Variants in TP73 observed in about 807,000 individuals in gnomAD.
The protein encoded by TP73 is tumor protein p73.
Under a neutral mutation model 62.5 loss-of-function variants are expected in TP73, and 25 were observed. The ratio of observed to expected loss-of-function variants is 0.40; its 90% CI spans 0.29 to 0.56. The LOEUF is 0.56. Among genes scored for constraint, TP73 ranks in the 20% least tolerant of loss-of-function variants. TP73 has a pLI of 0.46. For missense variants in TP73, 754 were observed against 913.3 expected (o/e 0.83, Z 2.25); for synonymous variants, 423 against 377.5 (o/e 1.12, Z -1.40).
intron 3 of TP73, among the ~76,000 whole-genome samples, chr1:3,694,214 C>T (rs75655263): frequency 3.3e-4 from 2 of 6,042 alleles, no homozygotes; most frequent in Admixed American, 1.4e-3. Flanking sequence ...CCCCTCCTCC[C>T]GCAATCCCAG....
intron 1 of TP73, among the ~76,000 whole-genome samples, chr1:3,655,107 C>T (rs558596074): frequency 1.6e-4 from 25 of 152,240 alleles, no homozygotes; most frequent in Non-Finnish European, 3.2e-4. Flanking sequence ...TCCTTTAAGG[C>T]CAGGCGCCGT....
intron 6 of TP73, among the ~76,000 whole-genome samples, chr1:3,724,943 C>T (rs1259087367): frequency 2.6e-5 from 4 of 151,910 alleles, no homozygotes; most frequent in East Asian, 3.9e-4. Context: ...CGCTTGAACC[C>T]GGGAGGCAGA....
intron 3 of TP73, among the ~76,000 whole-genome samples, chr1:3,697,271 G>A (rs1369478734): frequency 6.6e-6 from 1 of 152,240 alleles, no homozygotes; most frequent in Non-Finnish European, 1.5e-5. Context: ...ACCGGAGCCA[G>A]AGGGAGCGCT....
intron 3 of TP73, among the ~76,000 whole-genome samples, chr1:3,693,367 C>T (rs972730508): frequency 3.9e-5 from 6 of 152,154 alleles, no homozygotes; most frequent in African/African-American, 9.7e-5. Context: ...GTAGCTGCTC[C>T]GGAGCCCGCT....
At chr1:3,703,071 G>A (rs1290237462) in intron 3 of TP73, among the ~76,000 whole-genome samples, 1 of 152,142 alleles carries the variant, frequency 6.6e-6, no homozygotes, top group African/African-American at 2.4e-5. Flanking sequence ...TGCCTGGGGA[G>A]GCCTAAGGGG....
rs1047387422 is a variant in TP73 at position 3,660,057 on chromosome 1, A to G, written c.-34+7416A>G. On this transcript the variant is annotated intron_variant, in intron 1 of 13. Coordinates refer to ENST00000378295, the MANE Select transcript of TP73 (RefSeq NM_005427.4). ...GATTATTTGCACAAGTGCAGCAAGA[A>G]TAGTAAGTGGCCAGCTAGGCTTTCT... 7.2e-5 allele frequency among the ~76,000 whole-genome samples: 11 copies of G among 152,244 alleles called. No individual in the cohort carries two copies. In the East Asian group the frequency reaches 2.1e-3, roughly 29 times the overall value.
rs1255502693 is a variant in TP73 at position 3,707,166 on chromosome 1, C to T, written c.187-383C>T. On this transcript the variant is annotated intron_variant, in intron 3 of 13. Transcript: ENST00000378295. ...TGCCTGGCTCCCTGGGGCTGGATCT[C>T]CCCACTTTGAGCTGTGAGGTCCAGA... 4.6e-5 allele frequency among the ~76,000 whole-genome samples: 7 copies of T among 152,186 alleles called. No homozygotes were observed. In the East Asian group the frequency reaches 1.3e-3, roughly 29 times the overall value.
chr1:3,685,806 T>A (rs544158529), intron 3 of TP73, among the ~76,000 whole-genome samples: 1 of 152,316 alleles, frequency 6.6e-6, no homozygotes, highest in Admixed American at 6.5e-5. Context: ...GTGCTGGGGC[T>A]GGGGACCTGG....
intron 1 of TP73, among the ~76,000 whole-genome samples, chr1:3,653,399 G>A (rs1033352342): frequency 6.6e-6 from 1 of 152,242 alleles, no homozygotes; most frequent in Non-Finnish European, 1.5e-5. Context: ...TTGGACTTGG[G>A]GAGCGATGAT....
intron 3 of TP73, among the ~76,000 whole-genome samples, chr1:3,700,977 C>G (rs1362747404): frequency 6.6e-6 from 1 of 152,236 alleles, no homozygotes; most frequent in Non-Finnish European, 1.5e-5. Context: ...AAGGGGCTGT[C>G]CCCGCCCTCC....
At chr1:3,664,884 G>A (rs74507487) in intron 1 of TP73, among the ~76,000 whole-genome samples, 2,432 of 152,240 alleles carry the variant, frequency 0.016, 64 homozygotes, top group African/African-American at 0.056. Context: ...TCCGATGACC[G>A]AGATAAGGTG....
intron 1 of TP73, among the ~76,000 whole-genome samples, chr1:3,680,765 C>T (rs72634672): frequency 0.02 from 3,007 of 152,330 alleles, 39 homozygotes; most frequent in Middle Eastern, 0.048. Flanking sequence ...TTTAAATTAA[C>T]GGAATGGTGC....
chr1:3,691,030 C>T lies in TP73; in HGVS notation c.186+7850C>T, dbSNP rs1372027748. 6 of 1,532,324 alleles carry T rather than the reference C, an allele frequency of 3.9e-6. No homozygotes were observed. In the East Asian group the frequency reaches 1.5e-4, roughly 38 times the overall value. 94.9% of individuals were successfully genotyped at this position (1,532,324 alleles called of 1,614,324 possible). On this transcript the variant is annotated intron_variant, in intron 3 of 13. Transcript: ENST00000378295. ...GTGTAGGGTTCAGAGGGGCATCCTT[C>T]TGCCTGCCTTCCTGGCCTGGAGTCT...
intron 3 of TP73, among the ~76,000 whole-genome samples, chr1:3,692,897 C>T (rs1274825640): frequency 6.6e-6 from 1 of 152,186 alleles, no homozygotes; most frequent in Non-Finnish European, 1.5e-5. Context: ...CCTGCAGGAG[C>T]TGCTGGTGTC....
chr1:3,689,700 A>G (rs1645759202), intron 3 of TP73, among the ~76,000 whole-genome samples: 1 of 151,932 alleles, frequency 6.6e-6, no homozygotes, highest in African/African-American at 2.4e-5. Flanking sequence ...GTGGTTTGGG[A>G]TTTGGCAGGA....
At chr1:3,691,035 T>A in intron 3 of TP73, 1 of 1,518,088 alleles carries the variant, frequency 6.6e-7, no homozygotes, top group Non-Finnish European at 8.9e-7. Flanking sequence ...TCCTTCTGCC[T>A]GCCTTCCTGG....
intron 3 of TP73, among the ~76,000 whole-genome samples, chr1:3,707,341 AG>A (rs201701596): frequency 0.011 from 1,710 of 152,226 alleles, 33 homozygotes; most frequent in African/African-American, 0.038. Flanking sequence ...TGGCACCGGG[AG>A]GCTGATGGAG....
intron 13 of TP73, among the ~76,000 whole-genome samples, chr1:3,731,883 G>A (rs535759908): frequency 1.3e-5 from 2 of 152,356 alleles, no homozygotes; most frequent in South Asian, 4.1e-4. Context: ...AGGCCCCGAG[G>A]GAGTCAGTCC....
At chr1:3,673,790 G>A (rs929179938) in intron 1 of TP73, among the ~76,000 whole-genome samples, 6 of 152,250 alleles carry the variant, frequency 3.9e-5, no homozygotes, top group Non-Finnish European at 8.8e-5. Context: ...TGTGGATTGG[G>A]CCTCAATGTA....
Sources: allele counts gnomAD v4.1 joint callset (sites outside exome capture counted in the v4.1 genomes callset), GRCh38; gene constraint gnomAD v4.1.1; transcripts MANE v1.5; gene names NCBI Gene and HGNC (gene_info 2026-07-23, HGNC 2026-07-21).